COG6: variants seen among roughly 807,000 people sequenced by gnomAD.
COG6 encodes component of oligomeric golgi complex 6.
A neutral mutation model predicts 88.8 loss-of-function variants in COG6; 74 were observed. The observed-to-expected ratio is 0.83, with a 90% CI of 0.69 to 1.01. COG6 has a LOEUF of 1.01. COG6 is among the 50% of genes least tolerant of loss of function. The pLI is 0.00. For synonymous variants in COG6, 286 were observed against 278.7 expected, an observed-to-expected ratio of 1.03 and a Z score of -0.26; for missense variants, 800 against 797.9, an observed-to-expected ratio of 1.00 and a Z score of -0.03.
intron 18 of COG6, among the ~76,000 whole-genome samples, chr13:39,773,905 C>G (rs1431554937): frequency 7.0e-6 from 1 of 143,400 alleles, no homozygotes; most frequent in Non-Finnish European, 1.5e-5. Flanking sequence ...TGTCTAAATA[C>G]TGACCAAAAT....
chr13:39,738,426 C>G lies in COG6; in HGVS notation c.1826+10878C>G, dbSNP rs1232942742. 2.0e-5 allele frequency among the ~76,000 whole-genome samples: 3 copies of G among 151,818 alleles called. No homozygotes were observed. The East Asian group carries it at 5.8e-4, about 29-fold the overall frequency. ...AAACAAATAAAGTTATTTAGCATAC[C>G]AATAGATAAGAACAAATAGAATTTT... On this transcript the variant is annotated intron_variant, in intron 18 of 18. Transcript: ENST00000455146.
intron 11 of COG6, among the ~76,000 whole-genome samples, chr13:39,691,154 A>G (rs1876956774): frequency 6.6e-6 from 1 of 151,826 alleles, no homozygotes; most frequent in African/African-American, 2.4e-5. Flanking sequence ...TTCTTTTTAA[A>G]AAGTAATTTT....
rs200812708 is a variant in COG6 at position 39,723,331 on chromosome 13, A to G, written c.1585-2A>G. 4.4e-6 allele frequency: 7 copies of G among 1,583,060 alleles called. No homozygotes were observed. The highest frequency in any genetic ancestry group is 6.1e-6 in the Non-Finnish European group (7 of 1,152,312). ...AAATGTTTTCTTTGTGTTTTATTTTAGATCGAAGCACATTTGGACACACTT... is the reference window on the plus strand; with the variant it reads ...AAATGTTTTCTTTGTGTTTTATTTTGGATCGAAGCACATTTGGACACACTT... On this transcript the variant is annotated splice_acceptor_variant, in intron 15 of 18. Transcript: ENST00000455146. LOFTEE classifies it high-confidence loss of function.
chr13:39,746,759 A>G (rs1455741368), intron 18 of COG6, among the ~76,000 whole-genome samples: 2 of 152,190 alleles, frequency 1.3e-5, no homozygotes, highest in African/African-American at 4.8e-5. Context: ...TAAAGGATGA[A>G]TTTACATAGT....
chr13:39,773,307 C>T (rs980091526), intron 18 of COG6, among the ~76,000 whole-genome samples: 2 of 152,262 alleles, frequency 1.3e-5, no homozygotes, highest in Non-Finnish European at 2.9e-5. Flanking sequence ...TCCAAATCAA[C>T]TTCCTTGGTA....
downstream of COG6, chr13:39,752,653 G>C: frequency 1.6e-6 from 2 of 1,248,184 alleles, no homozygotes; most frequent in Non-Finnish European, 2.1e-6. Flanking sequence ...TATTGCAGCT[G>C]TCCTGTAGAT....
rs1491507046 is a variant in COG6 at position 39,724,500 on chromosome 13, TTA to T, written c.1693-7_1693-6del. ...TGGATCTGCTTTTTTTTTTTTTTTT[TTA>T]AATAGGGCTCTTTAGCTAATATGCC... On this transcript the variant is annotated splice_region_variant and splice_polypyrimidine_tract_variant and intron_variant, in intron 16 of 18. Transcript: ENST00000455146. 87,444 of 1,227,282 alleles carry T rather than the reference TTA, an allele frequency of 0.071. 398 individuals carry two copies. Among genetic ancestry groups the T allele is most frequent in the South Asian group, 0.13 (7,810 of 61,316 alleles). 76.0% of individuals were successfully genotyped at this position (1,227,282 alleles called of 1,614,324 possible).
At chr13:39,680,183 G>T (rs1339250852) in intron 7 of COG6, 138 bp downstream of exon 7, 3 of 597,822 alleles carry the variant, frequency 5.0e-6, no homozygotes, top group East Asian at 3.0e-5. Context: ...TTTGTATTTG[G>T]TTTTTAAATT....
At chr13:39,690,352 C>T (rs535798050) in intron 11 of COG6, among the ~76,000 whole-genome samples, 5 of 151,856 alleles carry the variant, frequency 3.3e-5, no homozygotes, top group African/African-American at 7.2e-5. Context: ...TTATTGCATC[C>T]GCTTAACTCT....
intron 4 of COG6, among the ~76,000 whole-genome samples, chr13:39,669,293 T>C (rs1465828202): frequency 1.3e-5 from 2 of 152,270 alleles, no homozygotes; most frequent in African/African-American, 4.8e-5. Flanking sequence ...TCTAAGTTAA[T>C]GCTGAACACA....
At position 39,745,013 on chromosome 13, in the gene COG6, G is replaced by C. The variant is rs1240590959; in HGVS notation, c.1827-5933G>C. ...GGTAAGGATTCCCTATTTAATAAATGGTACTGGGAAAACTGGCTAGCCAAA... is the reference window on the plus strand; with the variant it reads ...GGTAAGGATTCCCTATTTAATAAATCGTACTGGGAAAACTGGCTAGCCAAA... On this transcript the variant is annotated intron_variant, in intron 18 of 18. Coordinates refer to ENST00000455146, the MANE Select transcript of COG6 (RefSeq NM_020751.3). Among the ~76,000 whole-genome samples the C allele has an allele frequency of 2.0e-5, 3 of 152,170 alleles. No individual in the cohort carries two copies. The East Asian group carries it at 5.8e-4, about 29-fold the overall frequency.
chr13:39,758,425 G>T (rs978707302), intron 18 of COG6, among the ~76,000 whole-genome samples: 4 of 152,070 alleles, frequency 2.6e-5, no homozygotes, highest in Admixed American at 1.3e-4. Context: ...ATTTTAAAGT[G>T]TGCCAAGTAT....
At chr13:39,728,206 A>G (rs1879241213) in intron 18 of COG6, among the ~76,000 whole-genome samples, 1 of 152,196 alleles carries the variant, frequency 6.6e-6, no homozygotes, top group African/African-American at 2.4e-5. Flanking sequence ...GGCTTAAAAG[A>G]CATTTGCACT....
At chr13:39,784,952 G>A (rs1291709702) in intron 18 of COG6, among the ~76,000 whole-genome samples, 3 of 152,176 alleles carry the variant, frequency 2.0e-5, no homozygotes, top group East Asian at 1.9e-4. Context: ...ATGTATTAGG[G>A]AAGAGCAAGT....
intron 13 of COG6, among the ~76,000 whole-genome samples, chr13:39,716,663 A>G (rs1364965338): frequency 6.6e-6 from 1 of 152,064 alleles, no homozygotes; most frequent in Non-Finnish European, 1.5e-5. Flanking sequence ...GTATGTGGGT[A>G]TAGGGTTAGT....
At chr13:39,758,123 G>A (rs11618960) in intron 18 of COG6, among the ~76,000 whole-genome samples, 74,451 of 150,798 alleles carry the variant, frequency 0.49, 18,869 homozygotes, top group South Asian at 0.69. Context: ...GGGAGGCTGA[G>A]GCAGGAGAAT....
chr13:39,666,731 CAG>C (rs1275582605), intron 4 of COG6, among the ~76,000 whole-genome samples: 2 of 152,114 alleles, frequency 1.3e-5, no homozygotes, highest in Admixed American at 6.5e-5. Context: ...ACAAAGGACT[CAG>C]AGATCAACTG....
chr13:39,707,251 C>T (rs1267080812), intron 13 of COG6, among the ~76,000 whole-genome samples: 1 of 151,630 alleles, frequency 6.6e-6, no homozygotes, highest in East Asian at 1.9e-4. Context: ...GCCTCAGCCT[C>T]CTGAGTAGCT....
intron 18 of COG6, among the ~76,000 whole-genome samples, chr13:39,775,503 T>C (rs529212197): frequency 1.5e-4 from 23 of 152,176 alleles, no homozygotes; most frequent in Non-Finnish European, 3.1e-4. Flanking sequence ...ACTTTGACTT[T>C]CACTAGCCTT....
Sources: allele counts gnomAD v4.1 joint callset (sites outside exome capture counted in the v4.1 genomes callset), GRCh38; gene constraint gnomAD v4.1.1; transcripts MANE v1.5; gene names NCBI Gene and HGNC (gene_info 2026-07-23, HGNC 2026-07-21).